Variants in C1QTNF7 observed in about 807,000 individuals in gnomAD.
C1QTNF7 encodes the protein complement C1q tumor necrosis factor-related protein 7.
A neutral mutation model predicts 19.6 loss-of-function variants in C1QTNF7; 15 were observed. That is an observed-to-expected ratio of 0.76 (90% CI 0.51 to 1.18). C1QTNF7 has a LOEUF of 1.18. C1QTNF7 is among the 50% of genes most tolerant of loss of function. C1QTNF7 has a pLI of 0.00. For synonymous variants in C1QTNF7, 142 were observed against 137.5 expected (o/e 1.03, Z -0.23); for missense variants, 324 against 359.7 (o/e 0.90, Z 0.80).
chr4:15,423,656 C>T (rs1234367881), upstream of C1QTNF7, among the ~76,000 whole-genome samples: 1 of 152,208 alleles, frequency 6.6e-6, no homozygotes, highest in Non-Finnish European at 1.5e-5. Context: ...CCAACAGAGC[C>T]CCGCCTGGCC....
rs545668549 is a variant in C1QTNF7 at position 15,393,174 on chromosome 4, A to C, written c.14-42562A>C. Among the ~76,000 whole-genome samples, 327 of 152,312 alleles carry C rather than the reference A, an allele frequency of 2.1e-3. 1 individual carries two copies. The highest frequency in any genetic ancestry group is 3.5e-3 in the Non-Finnish European group (235 of 68,034). The stretch of plus-strand genomic sequence containing the variant: ...CCTCTTTTCTGTCTTGTCTGCCGCC[A>C]TGTAAGACATGCCTTTTGCCTTCCA... On this transcript the variant is annotated intron_variant, in intron 1 of 2. Coordinates refer to the C1QTNF7 transcript ENST00000295297.
At chr4:15,410,221 T>C (rs1365357721) in intron 1 of C1QTNF7, among the ~76,000 whole-genome samples, 1 of 152,234 alleles carries the variant, frequency 6.6e-6, no homozygotes, top group African/African-American at 2.4e-5. Context: ...TATTGCTTTA[T>C]GTTTGCATTT....
intron 1 of C1QTNF7, among the ~76,000 whole-genome samples, chr4:15,413,793 T>C (rs1216796475): frequency 1.3e-5 from 2 of 152,312 alleles, no homozygotes; most frequent in African/African-American, 4.8e-5. Flanking sequence ...ACTGACTGAT[T>C]GCATTTCTCA....
intron 1 of C1QTNF7, among the ~76,000 whole-genome samples, chr4:15,400,215 G>A (rs1718933259): frequency 6.6e-6 from 1 of 152,164 alleles, no homozygotes; most frequent in Non-Finnish European, 1.5e-5. Context: ...TAATTGTTGA[G>A]AGAATAAACA....
chr4:15,383,067 G>A (rs562669844), intron 1 of C1QTNF7, among the ~76,000 whole-genome samples: 4 of 152,214 alleles, frequency 2.6e-5, no homozygotes, highest in South Asian at 2.1e-4. Context: ...ACAATCCAAC[G>A]TCATGCCCTC....
chr4:15,364,327 A>G (rs1717438529), intron 1 of C1QTNF7, among the ~76,000 whole-genome samples: 1 of 152,226 alleles, frequency 6.6e-6, no homozygotes, highest in African/African-American at 2.4e-5. Context: ...AATGAATCTC[A>G]GCTTCATCAT....
At chr4:15,384,259 T>C (rs1439905488) in intron 1 of C1QTNF7, among the ~76,000 whole-genome samples, 2 of 152,124 alleles carry the variant, frequency 1.3e-5, no homozygotes, top group Non-Finnish European at 2.9e-5. Context: ...TGTCATAGAG[T>C]AAGCACTAGA....
At chr4:15,409,296 C>A (rs1381771472) in intron 1 of C1QTNF7, among the ~76,000 whole-genome samples, 1 of 152,116 alleles carries the variant, frequency 6.6e-6, no homozygotes, top group African/African-American at 2.4e-5. Flanking sequence ...AGTGATGGTC[C>A]TCAGCCTCAG....
In C1QTNF7 at chr4:15,344,830, T is replaced by C. The variant is rs369780373; in HGVS notation, c.13+4623T>C. Reference sequence around the variant, plus strand: ...TTTTATATATTCCTTCGGGAGAAACTTTTTTCCATCCTCCTGGCTATCTGC... The same window carrying C: ...TTTTATATATTCCTTCGGGAGAAACCTTTTTCCATCCTCCTGGCTATCTGC... On this transcript the variant is annotated intron_variant, in intron 1 of 2. Coordinates refer to the C1QTNF7 transcript ENST00000295297. 2.7e-3 allele frequency among the ~76,000 whole-genome samples: 410 copies of C among 152,292 alleles called. 17 individuals are homozygous for C. In the South Asian group the frequency reaches 0.082, roughly 30 times the overall value.
At chr4:15,374,094 C>G (rs369804219) in intron 1 of C1QTNF7, 3 of 152,214 alleles carry the variant, frequency 2.0e-5, no homozygotes, top group Non-Finnish European at 2.9e-5. Context: ...AGTCAGATCT[C>G]CAGCCCTTGC....
At chr4:15,355,890 C>A (rs188471022) in intron 1 of C1QTNF7, among the ~76,000 whole-genome samples, 103 of 152,212 alleles carry the variant, frequency 6.8e-4, no homozygotes, top group African/African-American at 2.4e-3. Flanking sequence ...CAGGGTACCA[C>A]TACGTTGTCC....
intron 2 of C1QTNF7, among the ~76,000 whole-genome samples, chr4:15,440,555 G>T (rs1200474062): frequency 2.0e-5 from 3 of 151,952 alleles, no homozygotes; most frequent in East Asian, 3.9e-4. Flanking sequence ...CTACAGGCGC[G>T]CACCACCACG....
chr4:15,417,993 GC>G (rs1206492385), intron 1 of C1QTNF7, among the ~76,000 whole-genome samples: 1 of 152,078 alleles, frequency 6.6e-6, no homozygotes, highest in Non-Finnish European at 1.5e-5. Context: ...CTCCTACCAG[GC>G]CCCATCTCCA....
chr4:15,426,638 A>G (rs1026335944), upstream of C1QTNF7, among the ~76,000 whole-genome samples: 5 of 152,214 alleles, frequency 3.3e-5, no homozygotes, highest in African/African-American at 1.2e-4. Context: ...AATTGTATCA[A>G]CACTTTAAGG....
intron 1 of C1QTNF7, among the ~76,000 whole-genome samples, chr4:15,429,815 G>A (rs913690721): frequency 4.6e-5 from 7 of 152,084 alleles, no homozygotes; most frequent in Non-Finnish European, 2.9e-5. Flanking sequence ...CATATCATAT[G>A]GTAATTCTCT....
chr4:15,442,019 TCA>T, intron 2 of C1QTNF7, 147 bp from the exon 3 acceptor site: 1 of 712,728 alleles, frequency 1.4e-6, no homozygotes, highest in Non-Finnish European at 2.1e-6. Flanking sequence ...AGACTCCATC[TCA>T]AAAAAAAAAA....
intron 1 of C1QTNF7, among the ~76,000 whole-genome samples, chr4:15,398,528 G>A (rs1020747019): frequency 6.6e-6 from 1 of 152,126 alleles, no homozygotes; most frequent in East Asian, 1.9e-4. Flanking sequence ...GGGACTACCT[G>A]GGTCTAGGCT....
intron 1 of C1QTNF7, among the ~76,000 whole-genome samples, chr4:15,422,458 C>A (rs1453938250): frequency 6.6e-6 from 1 of 152,180 alleles, no homozygotes; most frequent in Non-Finnish European, 1.5e-5. Flanking sequence ...AGGGAAAATG[C>A]ATTCTCATCT....
rs539768363 is a variant in C1QTNF7, at chr4:15,416,129, C to T, written c.14-19607C>T. On this transcript the variant is annotated intron_variant, in intron 1 of 2. Transcript: ENST00000295297. ...TATTTGCCATATAAATTTTGCACTC[C>T]TAAAAGTTTATATCACTTTATATTT... Among the ~76,000 whole-genome samples the T allele has an allele frequency of 5.0e-4, 76 of 152,246 alleles. 1 individual carries two copies. Among genetic ancestry groups the T allele is most frequent in the African/African-American group, 1.7e-3 (71 of 41,550 alleles).
Sources: allele counts gnomAD v4.1 joint callset (sites outside exome capture counted in the v4.1 genomes callset), GRCh38; gene constraint gnomAD v4.1.1; transcripts MANE v1.5; gene names NCBI Gene and HGNC (gene_info 2026-07-23, HGNC 2026-07-21).